UNC80: variants seen among roughly 807,000 people sequenced by gnomAD.
The protein encoded by UNC80 is protein unc-80 homolog.
In UNC80, 164 loss-of-function variants were observed where a neutral mutation model predicts 384.6. That is an observed-to-expected ratio of 0.43 (90% CI 0.38 to 0.49). UNC80 has a LOEUF of 0.49. Ranked by LOEUF, UNC80 falls within the 20% of genes least tolerant of loss-of-function variation. The pLI, the probability that UNC80 is intolerant of heterozygous loss-of-function variation, is 0.00. For missense variants in UNC80, 3,330 were observed against 4,143.0 expected, an observed-to-expected ratio of 0.80 and a Z score of 5.39; for synonymous variants, 1,486 against 1,527.8, an observed-to-expected ratio of 0.97 and a Z score of 0.64.
chr2:209,902,338 A>G (rs898383606), intron 28 of UNC80, among the ~76,000 whole-genome samples: 5 of 152,220 alleles, frequency 3.3e-5, no homozygotes, highest in African/African-American at 1.2e-4. Flanking sequence ...TACTTCTGGT[A>G]AGGATGTTAT....
intron 2 of UNC80, among the ~76,000 whole-genome samples, chr2:209,774,247 A>G (rs2076742400): frequency 2.0e-5 from 3 of 152,326 alleles, no homozygotes. Flanking sequence ...CAATGTTGTC[A>G]CAAACACATT....
intron 6 of UNC80, 146 bp from the exon 7 acceptor site, chr2:209,793,574 C>A: frequency 3.5e-6 from 3 of 864,986 alleles, no homozygotes; most frequent in Non-Finnish European, 5.0e-6. Flanking sequence ...AATCCCTTGG[C>A]CCATAATATC....
chr2:209,801,689 C>CTT (rs56931388), intron 7 of UNC80, among the ~76,000 whole-genome samples: 4,439 of 114,838 alleles, frequency 0.039, 225 homozygotes, highest in African/African-American at 0.097. Context: ...CCAACCCCTG[C>CTT]TTTTTTTTTT....
At chr2:209,788,838 G>A (rs1306102596) in intron 5 of UNC80, among the ~76,000 whole-genome samples, 1 of 151,938 alleles carries the variant, frequency 6.6e-6, no homozygotes, top group Non-Finnish European at 1.5e-5. Flanking sequence ...ATTTAGCATT[G>A]CCTTCATATT....
chr2:209,995,585 C>T lies in UNC80; in HGVS notation c.9965C>T (p.Ser3322Phe), dbSNP rs1197064366. The change falls in exon 65 of 65, where the codon TCT becomes TTT. Residue 3322 changes from serine to phenylalanine, a missense_variant. Transcript: ENST00000673920. ...LGKTDAVLDESHV is the reference protein window; with the variant it reads ...LGKTDAVLDEFHV ...AAAACGGATGCAGTATTAGATGAGT[C>T]TCATGTTTAATTCTGTATCTTGTAA... 6.4e-7 allele frequency: 1 copy of T among 1,551,848 alleles called. No homozygotes were observed. The highest frequency in any genetic ancestry group is 8.7e-7 in the Non-Finnish European group (1 of 1,147,062).
intron 53 of UNC80, 94 bp from the exon 54 acceptor site, chr2:209,970,738 T>G: frequency 7.1e-7 from 1 of 1,409,436 alleles, no homozygotes; most frequent in Non-Finnish European, 9.4e-7. Flanking sequence ...CTTCAATTTA[T>G]CATTTTTATT....
intron 29 of UNC80, 86 bp downstream of exon 29, chr2:209,905,051 C>G: frequency 7.2e-7 from 1 of 1,380,690 alleles, no homozygotes. Context: ...AATTTTCAAG[C>G]AAATGCAATT....
chr2:209,949,209 G>A (rs2092044383), intron 47 of UNC80, among the ~76,000 whole-genome samples: 1 of 152,128 alleles, frequency 6.6e-6, no homozygotes, highest in South Asian at 2.1e-4. Context: ...AGGGAAGTTA[G>A]GAGTAGAAGA....
At chr2:209,874,160 C>G (rs1253532421) in intron 23 of UNC80, among the ~76,000 whole-genome samples, 1 of 152,096 alleles carries the variant, frequency 6.6e-6, no homozygotes, top group Non-Finnish European at 1.5e-5. Context: ...TTATGTGATT[C>G]CATTGTACTT....
At chr2:209,866,556 AGAG>A (rs2083844842) in intron 22 of UNC80, among the ~76,000 whole-genome samples, 1 of 151,848 alleles carries the variant, frequency 6.6e-6, no homozygotes, top group African/African-American at 2.4e-5. Flanking sequence ...AGAGAGAGAG[AGAG>A]AGAGAGAATC....
intron 4 of UNC80, among the ~76,000 whole-genome samples, chr2:209,778,965 C>T (rs2077013529): frequency 6.6e-6 from 1 of 152,092 alleles, no homozygotes; most frequent in Admixed American, 6.6e-5. Context: ...TAACTCTGTC[C>T]ATTGCTAGGA....
chr2:209,833,657 A>T (rs1355731033), intron 16 of UNC80, among the ~76,000 whole-genome samples: 3 of 152,210 alleles, frequency 2.0e-5, no homozygotes, highest in Non-Finnish European at 4.4e-5. Context: ...CTTTGCAGGC[A>T]TCTCTTCAGA....
At chr2:209,895,249 C>G (rs939328132) in intron 27 of UNC80, among the ~76,000 whole-genome samples, 1 of 152,170 alleles carries the variant, frequency 6.6e-6, no homozygotes. Context: ...AAAGTTGAAG[C>G]ACATTCACTT....
intron 21 of UNC80, among the ~76,000 whole-genome samples, chr2:209,844,468 TTTCTTTCTTTCCTTCCTTCCTTCC>T (rs1369479141): frequency 8.8e-5 from 6 of 67,948 alleles, no homozygotes; most frequent in South Asian, 5.5e-4. Context: ...TCTTTCTTTC[TTTCTTTCTTTCCTTCCTTCCTTCC>T]TTCCTTCCTT....
chr2:209,896,000 C>T (rs184049205), intron 27 of UNC80, among the ~76,000 whole-genome samples: 11 of 152,214 alleles, frequency 7.2e-5, no homozygotes, highest in Non-Finnish European at 1.2e-4. Context: ...TGGATTTGGG[C>T]GCACTCAATC....
At chr2:209,959,186 G>A (rs1412946018) in intron 50 of UNC80, 32 bp downstream of exon 50, 2 of 1,550,726 alleles carry the variant, frequency 1.3e-6, no homozygotes, top group East Asian at 4.9e-5. Context: ...TTTCATACCA[G>A]TTCTGACATC....
chr2:209,959,237 G>C (rs2092513126), intron 50 of UNC80, 83 bp downstream of exon 50: 1 of 1,428,342 alleles, frequency 7.0e-7, no homozygotes, highest in Non-Finnish European at 9.7e-7. Flanking sequence ...GGCTCTATTA[G>C]ATTTCATTTG....
chr2:209,950,632 C>A (rs1193069945), intron 47 of UNC80, among the ~76,000 whole-genome samples: 1 of 150,970 alleles, frequency 6.6e-6, no homozygotes, highest in Non-Finnish European at 1.5e-5. Context: ...AATCTCGGCT[C>A]ACAGCGACCT....
At chr2:209,917,510 T>G (rs1197881693) in intron 31 of UNC80, among the ~76,000 whole-genome samples, 1 of 152,234 alleles carries the variant, frequency 6.6e-6, no homozygotes. Context: ...TTGCTTCCTC[T>G]GGCATTCACT....
Sources: allele counts gnomAD v4.1 joint callset (sites outside exome capture counted in the v4.1 genomes callset), GRCh38; gene constraint gnomAD v4.1.1; transcripts MANE v1.5; gene names NCBI Gene and HGNC (gene_info 2026-07-23, HGNC 2026-07-21).